Variants in ESPL1 observed in about 807,000 individuals in gnomAD.
ESPL1 encodes separin.
A neutral mutation model predicts 217.2 loss-of-function variants in ESPL1; 50 were observed. The ratio of observed to expected loss-of-function variants is 0.23; its 90% confidence interval spans 0.18 to 0.29. The LOEUF is 0.29. ESPL1 is among the 10% of genes least tolerant of loss of function. The probability of loss-of-function intolerance (pLI) is 1.00; values close to 1 mark genes in which losing one functional copy is unlikely to be tolerated. For synonymous variants in ESPL1, 994 were observed against 1,081.3 expected (o/e 0.92, Z 1.58); for missense variants, 1,834 against 2,603.0 (o/e 0.70, Z 6.43).
intron 6 of ESPL1, among the ~76,000 whole-genome samples, chr12:53,273,836 G>GTTTTTTTTTTTTTTTTTTTTTTTTTTTTT (rs71096001): frequency 1.6e-5 from 1 of 63,154 alleles, no homozygotes; most frequent in African/African-American, 7.8e-5. Context: ...TGGTTTTTTG[G>GTTTTTTTTTTTTTTTTTTTTTTTTTTTTT]TTTTTTTTTT....
Position 53,281,573 on chromosome 12 carries a change from C to T in ESPL1, c.2566C>T (p.Leu856Phe), listed in dbSNP as rs760090828. 1 of 1,613,976 alleles carries T rather than the reference C, an allele frequency of 6.2e-7. No individual in the cohort carries two copies. The highest frequency in any genetic ancestry group is 2.2e-5 in the East Asian group (1 of 44,884). Residue 856 changes from leucine to phenylalanine, a missense_variant, in exon 13 of 31, where the codon CTT (leucine) becomes TTT (phenylalanine). Around this residue, in one of 5 missense-constraint regions of ESPL1, gnomAD observed 746 missense variants for 1,077.0 expected, o/e 0.69. Coordinates refer to ENST00000257934, the MANE Select transcript of ESPL1 (RefSeq NM_012291.5). ...LDQTTDTYLL[L>F]SLTCDLLRSQ... ...TCAGACTACTGACACATACCTGCTC[C>T]TTTCCCTGACCTGTGATCTGCTTCG...
rs144484136 is a variant in ESPL1 at position 53,286,297 on chromosome 12, G to A, written c.3561G>A (p.Val1187=). 429 of 1,614,174 alleles carry A rather than the reference G, an allele frequency of 2.7e-4. 4 individuals carry two copies. In the East Asian group the frequency reaches 8.7e-3, roughly 33 times the overall value. ...QAQGLDLLQV[V]LKGCPEAAER... is the part of the protein sequence containing the mutation. ...AGGGTCTGGATCTGCTGCAGGTCGTGCTGAAGGGCTGTCCTGAAGCCGCTG... is the reference window on the plus strand; with the variant it reads ...AGGGTCTGGATCTGCTGCAGGTCGTACTGAAGGGCTGTCCTGAAGCCGCTG... The change falls in exon 18 of 31, where the codon GTG becomes GTA. Residue 1187 remains valine, a synonymous_variant. Transcript: ENST00000257934. This position sits in a 1 kb window ranked among gnomAD's most constrained non-coding sequence, Gnocchi z 5.3.
intron 18 of ESPL1, chr12:53,287,196 C>T: frequency 3.7e-6 from 1 of 266,774 alleles, no homozygotes. Flanking sequence ...CCTCAGCTTC[C>T]CGAGTAGCTG....
Position 53,292,792 on chromosome 12 carries a change from T to A in ESPL1, c.5997-14T>A. On this transcript the variant is annotated splice_polypyrimidine_tract_variant and intron_variant, in intron 29 of 30. Transcript: ENST00000257934. The surrounding 1 kb of genome is among the most constrained non-coding windows in gnomAD (Gnocchi z 4.5). ...TTACTAGCTCAAGACTCATCTCACC[T>A]CCTTCTGCCTTAGCTATGCAGGGCA... 1 of 1,607,580 alleles carries A rather than the reference T, an allele frequency of 6.2e-7. No homozygotes were observed. The highest frequency in any genetic ancestry group is 1.1e-5 in the South Asian group (1 of 91,058).
At chr12:53,287,749 C>T (rs186301701) in intron 18 of ESPL1, 34 of 480,780 alleles carry the variant, frequency 7.1e-5, no homozygotes, top group African/African-American at 5.7e-4. Flanking sequence ...TTTCTTTTAC[C>T]TTTTCATCCC....
chr12:53,286,986 A>G lies in ESPL1; in HGVS notation c.4176+74A>G, dbSNP rs1312438117. ...AGTCCTGGAGGAGAGTGTTTTATAG[A>G]GCAGGTGTCCCTGTGGAATAGCTCC... On this transcript the variant is annotated intron_variant, in intron 18 of 30. Transcript: ENST00000257934. This position sits in a 1 kb window ranked among gnomAD's most constrained non-coding sequence, Gnocchi z 5.3. The G allele has an allele frequency of 1.4e-6, 2 of 1,448,376 alleles. No homozygotes were observed. Among genetic ancestry groups the G allele is most frequent in the Non-Finnish European group, 1.9e-6 (2 of 1,076,212 alleles). The allele number at this position is 1,448,376 out of a possible 1,614,324, so 89.7% of individuals were successfully genotyped here.
intron 11 of ESPL1, among the ~76,000 whole-genome samples, chr12:53,278,895 G>A (rs868414940): frequency 2.2e-4 from 32 of 146,758 alleles, no homozygotes; most frequent in Middle Eastern, 8.2e-3. Flanking sequence ...TTTCCGCCCC[G>A]CCCCCCCGCC....
rs149944800 is a variant in ESPL1, at chr12:53,286,904, C to A, written c.4168C>A (p.Arg1390Ser). The change falls in exon 18 of 31, where the codon CGC becomes AGC. Residue 1390 changes from arginine to serine, a missense_variant. Arg to Ser is a moderately radical substitution (Grantham distance 110). Transcript: ENST00000257934. This position sits in a 1 kb window ranked among gnomAD's most constrained non-coding sequence, Gnocchi z 5.3. ...APRVQQRVQT[R>S]LKVNFSDDSD... is the part of the protein sequence containing the mutation. ...CAGGGTACAACAGAGAGTCCAGACGCGCCTCAAGGTGAGGTGGGACTGTTG... is the reference window on the plus strand; with the variant it reads ...CAGGGTACAACAGAGAGTCCAGACGAGCCTCAAGGTGAGGTGGGACTGTTG... 2.0e-5 allele frequency: 32 copies of A among 1,592,330 alleles called. No individual in the cohort carries two copies. Among genetic ancestry groups the A allele is most frequent in the Non-Finnish European group, 2.7e-5 (31 of 1,169,808 alleles).
At chr12:53,277,375 G>A in intron 9 of ESPL1, 95 bp from the exon 10 acceptor site, 1 of 1,510,118 alleles carries the variant, frequency 6.6e-7, no homozygotes, top group Non-Finnish European at 9.0e-7. Flanking sequence ...TGAACTCCTG[G>A]GCTCCAACAA....
At chr12:53,289,654 G>C (rs573562494) in intron 22 of ESPL1, 60 bp downstream of exon 22, 1 of 1,450,558 alleles carries the variant, frequency 6.9e-7, no homozygotes, top group African/African-American at 1.4e-5. Context: ...TTACTTGGGA[G>C]CTGGGTGAAG....
Position 53,286,226 on chromosome 12 carries a change from G to A in ESPL1, c.3490G>A (p.Val1164Ile), listed in dbSNP as rs1943945174. 1 of 1,614,150 alleles carries A rather than the reference G, an allele frequency of 6.2e-7. No homozygotes were observed. The highest frequency in any genetic ancestry group is 8.5e-7 in the Non-Finnish European group (1 of 1,180,058). ...PVLTAVCLRWVLVTAGVRLAM... is the reference protein window; with the variant it reads ...PVLTAVCLRWILVTAGVRLAM... ...CCTCACAGCAGTCTGTCTGCGCTGG[G>A]TATTGGTCACGGCAGGGGTGAGGCT... Residue 1164 changes from valine (V) to isoleucine (I), a missense_variant, in exon 18 of 31, where the codon GTA (valine) becomes ATA (isoleucine). Physicochemically the swap from Val to Ile is conservative, Grantham distance 29. Coordinates refer to ENST00000257934, the MANE Select transcript of ESPL1 (RefSeq NM_012291.5). This position sits in a 1 kb window ranked among gnomAD's most constrained non-coding sequence, Gnocchi z 5.3.
intron 5 of ESPL1, among the ~76,000 whole-genome samples, chr12:53,271,038 G>A (rs1035427614): frequency 1.3e-5 from 2 of 151,714 alleles, no homozygotes; most frequent in South Asian, 2.1e-4. Flanking sequence ...GGCATTAACA[G>A]TTGCACCTAA....
intron 10 of ESPL1, 82 bp from the exon 11 acceptor site, chr12:53,277,739 G>T: frequency 1.9e-6 from 3 of 1,582,974 alleles, no homozygotes; most frequent in Non-Finnish European, 2.6e-6. Context: ...TGGCGTAAAG[G>T]GCAGAGGATG....
intron 6 of ESPL1, among the ~76,000 whole-genome samples, chr12:53,273,122 G>A (rs1426766081): frequency 1.4e-5 from 2 of 141,892 alleles, no homozygotes; most frequent in African/African-American, 2.7e-5. Context: ...TGCAACCTTT[G>A]CCTCAGCAAA....
rs1278957846 is a variant in ESPL1 at position 53,283,416 on chromosome 12, A to G, written c.2955A>G (p.Ser985=). The change falls in exon 16 of 31, where the codon TCA becomes TCG. Residue 985 remains serine (S), a synonymous_variant. Transcript: ENST00000257934. ...TGGTACAAAAATGGCAGGTTCTTTC[A>G]GAGGTGCTGAGCTGCTCAGAGAAGC... The part of the protein sequence containing the change: ...ENLVQKWQVL[S]EVLSCSEKLV... 1 of 1,614,174 alleles carries G rather than the reference A, an allele frequency of 6.2e-7. No homozygotes were observed. The highest frequency in any genetic ancestry group is 8.5e-7 in the Non-Finnish European group (1 of 1,180,022).
intron 13 of ESPL1, 41 bp downstream of exon 13, chr12:53,281,667 A>C (rs991161156): frequency 2.5e-6 from 4 of 1,591,128 alleles, no homozygotes; most frequent in Non-Finnish European, 3.4e-6. Flanking sequence ...CCTGGGTATT[A>C]GAAAGAATTT....
chr12:53,272,960 TAGC>T, intron 6 of ESPL1, 103 bp downstream of exon 6: 1 of 1,188,542 alleles, frequency 8.4e-7, no homozygotes, highest in Non-Finnish European at 1.2e-6. Context: ...GGGAGGTTAA[TAGC>T]AGCATGTTGA....
chr12:53,276,915 C>T, intron 8 of ESPL1, 56 bp downstream of exon 8: 1 of 1,588,052 alleles, frequency 6.3e-7, no homozygotes, highest in Admixed American at 1.7e-5. Context: ...GTCCTCTCAC[C>T]CTCTTGAGAA....
Position 53,293,196 on chromosome 12 carries a change from C to A in ESPL1, c.6162-77C>A. 2 of 1,279,848 alleles carry A rather than the reference C, an allele frequency of 1.6e-6. No individual in the cohort carries two copies. Among genetic ancestry groups the A allele is most frequent in the East Asian group, 2.3e-5 (1 of 43,026 alleles). 79.3% of individuals were successfully genotyped at this position (1,279,848 alleles called of 1,614,324 possible). ...GGTTCAATCCTCTCCACTCACCCAC[C>A]CCCACCACCAATGGTGTTTTCCTAT... On this transcript the variant is annotated intron_variant, in intron 30 of 30. Coordinates refer to ENST00000257934, the MANE Select transcript of ESPL1 (RefSeq NM_012291.5). The surrounding 1 kb of genome is among the most constrained non-coding windows in gnomAD (Gnocchi z 4.2).
Sources: gnomAD v4.1 joint callset for allele counts (sites outside exome capture counted in the v4.1 genomes callset) on GRCh38, gnomAD v4.1.1 for gene constraint, gnomAD v4.1.1 regional missense constraint, Gnocchi (gnomAD v3.1) non-coding constraint, MANE v1.5 for transcripts, NCBI Gene and HGNC (gene_info 2026-07-23, HGNC 2026-07-21) for gene names.